Variants in TRABD2B observed in about 807,000 individuals in gnomAD.
TRABD2B encodes the protein metalloprotease TIKI2.
In TRABD2B, 14 loss-of-function variants were observed where a neutral mutation model predicts 40.1. The ratio of observed to expected loss-of-function variants is 0.35; its 90% CI spans 0.23 to 0.55. TRABD2B has a LOEUF of 0.55. Among genes scored for constraint, TRABD2B ranks in the 20% least tolerant of loss-of-function variants. TRABD2B has a pLI of 0.90. For synonymous variants in TRABD2B, 263 were observed against 277.0 expected (o/e 0.95, Z 0.50); for missense variants, 541 against 648.6 (o/e 0.83, Z 1.80).
intron 2 of TRABD2B, among the ~76,000 whole-genome samples, chr1:47,981,616 C>A (rs1019227188): frequency 6.6e-6 from 1 of 152,196 alleles, no homozygotes; most frequent in Non-Finnish European, 1.5e-5. Context: ...CCCCATATAC[C>A]TCTCTGAACC....
intron 2 of TRABD2B, among the ~76,000 whole-genome samples, chr1:47,965,916 G>A (rs540366996): frequency 1.3e-3 from 192 of 152,062 alleles, no homozygotes; most frequent in Non-Finnish European, 1.9e-3. Flanking sequence ...CCTCTATCCC[G>A]TCAAGAAGAA....
Position 47,834,577 on chromosome 1 carries a change from G to GCACACACACACA in TRABD2B, c.667-32959_667-32958insTGTGTGTGTGTG, listed in dbSNP as rs1553156380. Among the ~76,000 whole-genome samples the GCACACACACACA allele has an allele frequency of 5.3e-3, 749 of 142,464 alleles. 6 individuals are homozygous for GCACACACACACA. Among genetic ancestry groups the GCACACACACACA allele is most frequent in the South Asian group, 0.015 (70 of 4,550 alleles). 93.5% of individuals were successfully genotyped at this position (142,464 alleles called of 152,430 possible). On this transcript the variant is annotated intron_variant, in intron 2 of 6. Coordinates refer to ENST00000606738, the MANE Select transcript of TRABD2B (RefSeq NM_001194986.2). ...GATGTGCTCCAACACACACACACAC[G>GCACACACACACA]CGCACACACACACACACACACACAC...
chr1:47,857,675 C>T (rs1643907531), intron 2 of TRABD2B, among the ~76,000 whole-genome samples: 2 of 152,074 alleles, frequency 1.3e-5, no homozygotes, highest in Admixed American at 1.3e-4. Flanking sequence ...ACAGAGAAGG[C>T]CTCCAAGAAT....
At chr1:47,949,548 C>T (rs1645310995) in intron 2 of TRABD2B, among the ~76,000 whole-genome samples, 1 of 151,714 alleles carries the variant, frequency 6.6e-6, no homozygotes, top group Non-Finnish European at 1.5e-5. Flanking sequence ...GCTGGGATTA[C>T]AGGTGCGTGC....
chr1:47,765,604 AG>A lies in TRABD2B; in HGVS notation c.*297del, dbSNP rs980253206. 7.2e-6 allele frequency: 3 copies of A among 418,760 alleles called. No homozygotes were observed. Among genetic ancestry groups the A allele is most frequent in the South Asian group, 2.2e-5 (1 of 45,338 alleles). The allele number at this position is 418,760 out of a possible 1,614,324, so 25.9% of individuals were successfully genotyped here. ...CCCCTCCCGGGCCAGCACTAGGGCT[AG>A]GGGGTTATAACACAGGCCACATAAG... is the stretch of plus-strand genomic sequence containing the variant. On this transcript the variant is annotated 3_prime_UTR_variant, in exon 7 of 7. Transcript: ENST00000606738.
At chr1:47,867,813 A>T (rs1430708597) in intron 2 of TRABD2B, among the ~76,000 whole-genome samples, 2 of 152,262 alleles carry the variant, frequency 1.3e-5, no homozygotes, top group African/African-American at 4.8e-5. Flanking sequence ...GTGCTATTTT[A>T]AAATACTAGC....
At chr1:47,831,929 A>G (rs943694415) in intron 2 of TRABD2B, among the ~76,000 whole-genome samples, 4 of 152,098 alleles carry the variant, frequency 2.6e-5, no homozygotes, top group Non-Finnish European at 5.9e-5. Flanking sequence ...GTGTGCTCCA[A>G]GTGCTGTTCT....
At chr1:47,779,295 C>T (rs1426819540) in intron 4 of TRABD2B, among the ~76,000 whole-genome samples, 2 of 152,156 alleles carry the variant, frequency 1.3e-5, no homozygotes, top group South Asian at 2.1e-4. Flanking sequence ...CAGACAGTGA[C>T]GGTCACCTAC....
At chr1:47,877,434 C>G (rs1024209948) in intron 2 of TRABD2B, among the ~76,000 whole-genome samples, 1 of 152,072 alleles carries the variant, frequency 6.6e-6, no homozygotes, top group African/African-American at 2.4e-5. Flanking sequence ...ACATCCGTGT[C>G]CTCCCTTACT....
chr1:47,844,289 C>T (rs922007599), intron 2 of TRABD2B, among the ~76,000 whole-genome samples: 1 of 152,166 alleles, frequency 6.6e-6, no homozygotes, highest in Non-Finnish European at 1.5e-5. Context: ...CGTGTGTGTC[C>T]ATGCCTGCCC....
chr1:47,996,846 CG>C lies in TRABD2B; in HGVS notation c.-58del. 1.7e-6 allele frequency: 2 copies of C among 1,160,592 alleles called. No individual in the cohort carries two copies. The highest frequency in any genetic ancestry group is 1.1e-6 in the Non-Finnish European group (1 of 942,462). 71.9% of individuals were successfully genotyped at this position (1,160,592 alleles called of 1,614,324 possible). On this transcript the variant is annotated 5_prime_UTR_variant, in exon 1 of 7. Coordinates refer to ENST00000606738, the MANE Select transcript of TRABD2B (RefSeq NM_001194986.2). The surrounding 1 kb of genome is among the most constrained non-coding windows in gnomAD (Gnocchi z 4.6). Reference sequence around the variant, plus strand: ...TCCTGGGCGGCGCCCCTCAGCGGGGCGGGGAGCCCCCAGTTGGGCACGGAGT... The same window carrying C: ...TCCTGGGCGGCGCCCCTCAGCGGGGCGGGAGCCCCCAGTTGGGCACGGAGT...
intron 6 of TRABD2B, among the ~76,000 whole-genome samples, chr1:47,772,684 A>G (rs993972043): frequency 3.3e-5 from 5 of 152,080 alleles, no homozygotes; most frequent in Middle Eastern, 3.2e-3. Flanking sequence ...GCCCCAGGTC[A>G]CCCCCAGAGA....
chr1:47,897,850 G>C (rs1450714703), intron 2 of TRABD2B, among the ~76,000 whole-genome samples: 1 of 152,172 alleles, frequency 6.6e-6, no homozygotes, highest in African/African-American at 2.4e-5. Context: ...ATCTTTTTTA[G>C]AGGGTTGATT....
intron 2 of TRABD2B, among the ~76,000 whole-genome samples, chr1:47,985,143 C>A (rs979493571): frequency 1.3e-5 from 2 of 152,188 alleles, no homozygotes; most frequent in African/African-American, 4.8e-5. Context: ...TATGTAACTA[C>A]CCCAAGGTTA....
intron 2 of TRABD2B, among the ~76,000 whole-genome samples, chr1:47,859,686 T>C (rs1643937877): frequency 6.6e-6 from 1 of 152,112 alleles, no homozygotes; most frequent in African/African-American, 2.4e-5. Flanking sequence ...TGGCTCAGAG[T>C]GGCCCCCACT....
At chr1:47,821,796 TG>T (rs1003642830) in intron 2 of TRABD2B, among the ~76,000 whole-genome samples, 37 of 152,258 alleles carry the variant, frequency 2.4e-4, no homozygotes, top group South Asian at 4.1e-4. Flanking sequence ...GATTCCAGGA[TG>T]CCCCTCAACC....
intron 2 of TRABD2B, among the ~76,000 whole-genome samples, chr1:47,918,269 A>G (rs746748850): frequency 5.3e-5 from 8 of 152,222 alleles, no homozygotes; most frequent in Non-Finnish European, 1.0e-4. Flanking sequence ...CCTTTCTGGC[A>G]GTCCTGCACA....
chr1:47,767,967 C>T (rs923163480), intron 6 of TRABD2B, among the ~76,000 whole-genome samples: 5 of 152,182 alleles, frequency 3.3e-5, no homozygotes, highest in Admixed American at 3.3e-4. Context: ...TTCAGCTAGG[C>T]CAGGTGGGCA....
intron 3 of TRABD2B, among the ~76,000 whole-genome samples, chr1:47,796,250 C>T (rs1644746510): frequency 6.6e-6 from 1 of 152,186 alleles, no homozygotes; most frequent in Admixed American, 6.5e-5. Context: ...CTGTCAGTGT[C>T]ATTCCAACCT....
Sources: allele counts gnomAD v4.1 joint callset (sites outside exome capture counted in the v4.1 genomes callset), GRCh38; gene constraint gnomAD v4.1.1; non-coding constraint Gnocchi (gnomAD v3.1); transcripts MANE v1.5; gene names NCBI Gene and HGNC (gene_info 2026-07-23, HGNC 2026-07-21).